The following FBXO42 variants were observed in gnomAD, a reference collection of about 807,000 sequenced individuals.
The protein encoded by FBXO42 is F-box only protein 42.
A neutral mutation model predicts 71.7 loss-of-function variants in FBXO42; 12 were observed. The observed-to-expected ratio is 0.17, with a 90% CI of 0.11 to 0.27. FBXO42 has a LOEUF of 0.27. Ranked by LOEUF, FBXO42 falls within the 10% of genes least tolerant of loss-of-function variation. The pLI is 1.00. For synonymous variants in FBXO42, 325 were observed against 327.5 expected, an observed-to-expected ratio of 0.99 and a Z score of 0.08; for missense variants, 707 against 911.9, an observed-to-expected ratio of 0.78 and a Z score of 2.89.
intron 4 of FBXO42, among the ~76,000 whole-genome samples, chr1:16,270,553 G>T (rs2081828053): frequency 6.6e-6 from 1 of 151,004 alleles, no homozygotes; most frequent in Non-Finnish European, 1.5e-5. Flanking sequence ...CAAGATAAAG[G>T]CCAGGCCAGG....
chr1:16,311,500 AAAAATATATAT>A lies in FBXO42; in HGVS notation c.250+3658_250+3668del, dbSNP rs1220403489. Among the ~76,000 whole-genome samples, 605 of 67,552 alleles carry A rather than the reference AAAAATATATAT, an allele frequency of 9.0e-3. 3 individuals are homozygous for A. Among genetic ancestry groups the A allele is most frequent in the Non-Finnish European group, 0.011 (336 of 31,078 alleles). The allele number at this position is 67,552 out of a possible 152,430, so 44.3% of individuals were successfully genotyped here. ...AAGATCTTGTCTCAAAAAAAAAAAAAAAAATATATATATATATATATATATATACATATGTA... is the reference window on the plus strand; with the variant it reads ...AAGATCTTGTCTCAAAAAAAAAAAAAATATATATATATATATACATATGTA... On this transcript the variant is annotated intron_variant, in intron 2 of 9. Coordinates refer to ENST00000375592, the MANE Select transcript of FBXO42 (RefSeq NM_018994.3).
chr1:16,264,361 A>G (rs1569825466), intron 4 of FBXO42, among the ~76,000 whole-genome samples: 1 of 152,252 alleles, frequency 6.6e-6, no homozygotes, highest in Non-Finnish European at 1.5e-5. Context: ...CTATGGTGAC[A>G]TATGATGAAA....
rs75582413 is a variant in FBXO42 at position 16,284,158 on chromosome 1, G to A, written c.502+10625C>T. On this transcript the variant is annotated intron_variant, in intron 4 of 9. Transcript: ENST00000375592. ...AAGGTGTTACCTTCAGACAATACTA[G>A]AAGGTGAAACATTCAACTTTCTAGA... Among the ~76,000 whole-genome samples the A allele has an allele frequency of 4.6e-3, 706 of 152,310 alleles. 7 individuals are homozygous for A. The highest frequency in any genetic ancestry group is 0.016 in the African/African-American group (660 of 41,568).
At chr1:16,344,299 T>C (rs2082635071) in intron 1 of FBXO42, among the ~76,000 whole-genome samples, 1 of 149,994 alleles carries the variant, frequency 6.7e-6, no homozygotes, top group African/African-American at 2.5e-5. Context: ...GGTATTTTAT[T>C]AGTAGTAATA....
At chr1:16,283,494 GTTT>G (rs386366300) in intron 4 of FBXO42, among the ~76,000 whole-genome samples, 10 of 80,986 alleles carry the variant, frequency 1.2e-4, no homozygotes, top group East Asian at 6.0e-4. Flanking sequence ...ACTGTGGCAA[GTTT>G]TTTTTTTTTT....
chr1:16,256,389 T>G (rs1402121325), intron 5 of FBXO42, among the ~76,000 whole-genome samples: 4 of 152,224 alleles, frequency 2.6e-5, no homozygotes, highest in Admixed American at 1.3e-4. Context: ...TTTTTCTCTT[T>G]AGAATAAGGA....
Position 16,264,327 on chromosome 1 carries a change from G to A in FBXO42, c.503-7568C>T, listed in dbSNP as rs142177471. On this transcript the variant is annotated intron_variant, in intron 4 of 9. Coordinates refer to ENST00000375592, the MANE Select transcript of FBXO42 (RefSeq NM_018994.3). Reference sequence around the variant, plus strand: ...AGTACTCTCGGAATAGCTGATATTCGATAGTTAAAAAGGCACATAACCACT... The same window carrying A: ...AGTACTCTCGGAATAGCTGATATTCAATAGTTAAAAAGGCACATAACCACT... Among the ~76,000 whole-genome samples, 22 of 152,256 alleles carry A rather than the reference G, an allele frequency of 1.4e-4. No homozygotes were observed. The East Asian group carries it at 3.1e-3, about 21-fold the overall frequency.
chr1:16,315,299 C>A lies in FBXO42; in HGVS notation c.120G>T (p.Glu40Asp). Residue 40 changes from glutamate (E) to aspartate (D), a missense_variant, in exon 2 of 10, where the codon GAG becomes GAT. By Grantham distance (45) the Glu-to-Asp change is conservative. Transcript: ENST00000375592. ...EEPHPVLEAE[E>D]TRHNRSMSEL... ...CCGACATGGACCTATTATGTCTAGT[C>A]TCCTCAGCCTCCAATACTGGGTGGG... The A allele has an allele frequency of 6.2e-7, 1 of 1,614,126 alleles. No individual in the cohort carries two copies. Among genetic ancestry groups the A allele is most frequent in the African/African-American group, 1.3e-5 (1 of 75,028 alleles).
At chr1:16,267,787 T>A (rs1257702744) in intron 4 of FBXO42, among the ~76,000 whole-genome samples, 2 of 152,074 alleles carry the variant, frequency 1.3e-5, no homozygotes, top group Admixed American at 1.3e-4. Context: ...TATATCCACA[T>A]CTTTAAAAAC....
intron 4 of FBXO42, among the ~76,000 whole-genome samples, chr1:16,285,264 G>T (rs2100511315): frequency 6.6e-6 from 1 of 151,952 alleles, no homozygotes; most frequent in East Asian, 1.9e-4. Flanking sequence ...AAAAATCAAT[G>T]TATTGTTTAT....
At chr1:16,297,230 C>T (rs552540360) in intron 3 of FBXO42, among the ~76,000 whole-genome samples, 5 of 152,192 alleles carry the variant, frequency 3.3e-5, no homozygotes, top group Middle Eastern at 3.4e-3. Context: ...AGGTGAGAGC[C>T]AATGCGCCCA....
chr1:16,261,251 A>AAT (rs1221348533), intron 4 of FBXO42, among the ~76,000 whole-genome samples: 7 of 152,308 alleles, frequency 4.6e-5, no homozygotes, highest in Non-Finnish European at 1.0e-4. Context: ...CTCCACCTCT[A>AAT]ATATAGGACC....
intron 1 of FBXO42, among the ~76,000 whole-genome samples, chr1:16,320,128 G>C (rs1298797272): frequency 6.6e-6 from 1 of 151,862 alleles, no homozygotes; most frequent in Non-Finnish European, 1.5e-5. Flanking sequence ...GGAAGGCCAA[G>C]GCAGGCAGAT....
At chr1:16,348,534 T>TA (rs541393027) in intron 1 of FBXO42, among the ~76,000 whole-genome samples, 12,289 of 150,790 alleles carry the variant, frequency 0.081, 670 homozygotes, top group Non-Finnish European at 0.12. Flanking sequence ...CCACCTCTAC[T>TA]AAAAAAAAAC....
chr1:16,287,608 G>A (rs1237088488), intron 4 of FBXO42, among the ~76,000 whole-genome samples: 2 of 151,698 alleles, frequency 1.3e-5, no homozygotes, highest in Non-Finnish European at 2.9e-5. Flanking sequence ...TATTATTTTT[G>A]TAGAGATGGG....
rs767170544 is a variant in FBXO42, at chr1:16,315,332, A to G, written c.87T>C (p.Asp29=). 8.1e-6 allele frequency: 13 copies of G among 1,613,992 alleles called. No individual in the cohort carries two copies. In the South Asian group the frequency reaches 1.2e-4, roughly 15 times the overall value. Reference sequence around the variant, plus strand: ...CCTCCAATACTGGGTGGGGCTCCTCATCTTGATCCATTGTCCCTTCCAGCA... The same window carrying G: ...CCTCCAATACTGGGTGGGGCTCCTCGTCTTGATCCATTGTCCCTTCCAGCA... ...ETVLEGTMDQ[D]EEPHPVLEAE... The change falls in exon 2 of 10, where the codon GAT becomes GAC. Residue 29 remains aspartate, a synonymous_variant. Transcript: ENST00000375592.
intron 4 of FBXO42, among the ~76,000 whole-genome samples, chr1:16,270,137 T>C (rs548520872): frequency 9.1e-4 from 138 of 152,298 alleles, no homozygotes; most frequent in Non-Finnish European, 1.5e-3. Flanking sequence ...ATTACAGGTG[T>C]GAGCCACCAC....
intron 4 of FBXO42, among the ~76,000 whole-genome samples, chr1:16,286,572 G>T (rs2082024329): frequency 6.6e-6 from 1 of 152,176 alleles, no homozygotes; most frequent in African/African-American, 2.4e-5. Context: ...TTTGAGGTGA[G>T]ATTTGGGTGG....
chr1:16,252,880 CAA>C lies in FBXO42; in HGVS notation c.921+214_921+215del, dbSNP rs2081606504. ...TGGGAAGAATATAGATATGAATATT[CAA>C]GAGACAAATATCTATGATTAAAAGG... is the stretch of plus-strand genomic sequence containing the variant. On this transcript the variant is annotated intron_variant, in intron 8 of 9. Transcript: ENST00000375592. The surrounding 1 kb of genome is among the most constrained non-coding windows in gnomAD (Gnocchi z 4.4). Among the ~76,000 whole-genome samples, 1 of 151,798 alleles carries C rather than the reference CAA, an allele frequency of 6.6e-6. No homozygotes were observed. The highest frequency in any genetic ancestry group is 1.5e-5 in the Non-Finnish European group (1 of 67,978).
Sources: allele counts gnomAD v4.1 joint callset (sites outside exome capture counted in the v4.1 genomes callset), GRCh38; gene constraint gnomAD v4.1.1; non-coding constraint Gnocchi (gnomAD v3.1); transcripts MANE v1.5; gene names NCBI Gene and HGNC (gene_info 2026-07-23, HGNC 2026-07-21).